Variants in PDE3A observed in about 807,000 individuals in gnomAD.
PDE3A encodes cGMP-inhibited 3',5'-cyclic phosphodiesterase 3A.
A neutral mutation model predicts 98.3 loss-of-function variants in PDE3A; 43 were observed. The ratio of observed to expected loss-of-function variants is 0.44; its 90% CI spans 0.34 to 0.56. The LOEUF is 0.56. Among genes scored for constraint, PDE3A ranks in the 20% least tolerant of loss-of-function variants. The pLI is 0.01. For missense variants in PDE3A, 1,427 were observed against 1,440.7 expected (o/e 0.99, Z 0.15); for synonymous variants, 663 against 567.9 (o/e 1.17, Z -2.38).
intron 2 of PDE3A, among the ~76,000 whole-genome samples, chr12:20,611,424 T>G (rs1943850957): frequency 6.6e-6 from 1 of 151,794 alleles, no homozygotes; most frequent in African/African-American, 2.4e-5. Context: ...CTGTTTTTGT[T>G]TTTTTGTTTT....
chr12:20,560,399 A>G (rs1448377412), intron 2 of PDE3A, among the ~76,000 whole-genome samples: 1 of 152,204 alleles, frequency 6.6e-6, no homozygotes, highest in African/African-American at 2.4e-5. Flanking sequence ...TAGTTACACC[A>G]AGGAGAGGAA....
chr12:20,398,462 C>A (rs1029283432), intron 1 of PDE3A, among the ~76,000 whole-genome samples: 2 of 151,846 alleles, frequency 1.3e-5, no homozygotes, highest in Non-Finnish European at 2.9e-5. Context: ...TTTTGAAAAT[C>A]TGTCTTGAGT....
At chr12:20,566,112 A>G (rs556678921) in intron 2 of PDE3A, among the ~76,000 whole-genome samples, 1 of 152,120 alleles carries the variant, frequency 6.6e-6, no homozygotes, top group South Asian at 2.1e-4. Flanking sequence ...TATTAGCGAT[A>G]TTAACTAAAA....
intron 3 of PDE3A, among the ~76,000 whole-genome samples, chr12:20,615,013 TTTC>T (rs1943968541): frequency 8.1e-6 from 1 of 123,500 alleles, no homozygotes; most frequent in African/African-American, 3.0e-5. Context: ...TCTTTCTCTC[TTTC>T]TTTTTTTTTT....
At chr12:20,603,602 G>GCTAT (rs1482403997) in intron 2 of PDE3A, among the ~76,000 whole-genome samples, 3 of 151,910 alleles carry the variant, frequency 2.0e-5, no homozygotes, top group East Asian at 1.9e-4. Flanking sequence ...ATATCTCTGT[G>GCTAT]CTATCTTCAT....
At chr12:20,504,502 A>G (rs1245626435) in intron 1 of PDE3A, among the ~76,000 whole-genome samples, 1 of 152,150 alleles carries the variant, frequency 6.6e-6, no homozygotes, top group Non-Finnish European at 1.5e-5. Flanking sequence ...CCACAAATTT[A>G]TTAATTTTAT....
intron 2 of PDE3A, among the ~76,000 whole-genome samples, chr12:20,562,454 G>A (rs1942550789): frequency 1.3e-5 from 2 of 151,836 alleles, no homozygotes; most frequent in South Asian, 2.1e-4. Context: ...TCCTGACCTC[G>A]TGATCCGCCT....
intron 2 of PDE3A, among the ~76,000 whole-genome samples, chr12:20,568,583 G>A (rs563133363): frequency 5.3e-5 from 8 of 151,850 alleles, no homozygotes; most frequent in South Asian, 4.2e-4. Flanking sequence ...TGTTGAACCC[G>A]TCTCTCTTTT....
chr12:20,660,401 A>G (rs545778276), intron 15 of PDE3A, among the ~76,000 whole-genome samples: 4 of 152,318 alleles, frequency 2.6e-5, no homozygotes, highest in African/African-American at 9.6e-5. Context: ...TGTGGAAGCA[A>G]CTTTGGAACA....
In PDE3A at chr12:20,532,282, T is replaced by C. The variant is rs561020169; in HGVS notation, c.961-24378T>C. 3.9e-5 allele frequency among the ~76,000 whole-genome samples: 6 copies of C among 152,308 alleles called. No homozygotes were observed. The South Asian group carries it at 1.2e-3, about 32-fold the overall frequency. ...AGTTAGATTCTAGGCATTTGTCTTATTTAACATGGAGTAATTTGTGGATAT... is the reference window on the plus strand; with the variant it reads ...AGTTAGATTCTAGGCATTTGTCTTACTTAACATGGAGTAATTTGTGGATAT... On this transcript the variant is annotated intron_variant, in intron 1 of 15. Transcript: ENST00000359062.
intron 1 of PDE3A, among the ~76,000 whole-genome samples, chr12:20,447,678 A>G (rs775198861): frequency 2.0e-5 from 3 of 152,306 alleles, no homozygotes; most frequent in Admixed American, 6.5e-5. Context: ...CTGTTCATTC[A>G]TATGCTTTGT....
At chr12:20,420,812 T>C (rs1944499732) in intron 1 of PDE3A, among the ~76,000 whole-genome samples, 1 of 152,186 alleles carries the variant, frequency 6.6e-6, no homozygotes, top group Non-Finnish European at 1.5e-5. Flanking sequence ...CCATTTCGCT[T>C]TGCTATCAGA....
At chr12:20,373,873 T>C (rs997244042) in intron 1 of PDE3A, among the ~76,000 whole-genome samples, 3 of 152,126 alleles carry the variant, frequency 2.0e-5, no homozygotes, top group Non-Finnish European at 4.4e-5. Context: ...TGGTGTTTGA[T>C]GGTAGGCACT....
chr12:20,606,196 G>C (rs1943706109), intron 2 of PDE3A, among the ~76,000 whole-genome samples: 1 of 151,866 alleles, frequency 6.6e-6, no homozygotes, highest in African/African-American at 2.4e-5. Flanking sequence ...AAAAAATGAT[G>C]TGTATCTGCT....
chr12:20,517,487 T>C (rs1050014812), intron 1 of PDE3A, among the ~76,000 whole-genome samples: 1 of 152,226 alleles, frequency 6.6e-6, no homozygotes, highest in African/African-American at 2.4e-5. Flanking sequence ...CTCCGTTGTA[T>C]AATGGGCACC....
At chr12:20,627,572 C>A (rs1259072708) in intron 5 of PDE3A, among the ~76,000 whole-genome samples, 1 of 151,952 alleles carries the variant, frequency 6.6e-6, no homozygotes, top group African/African-American at 2.4e-5. Context: ...CCCACCCCCA[C>A]CCTTTCCCAG....
chr12:20,414,396 G>A (rs1003985286), intron 1 of PDE3A, among the ~76,000 whole-genome samples: 1 of 152,150 alleles, frequency 6.6e-6, no homozygotes, highest in African/African-American at 2.4e-5. Flanking sequence ...TAATCAAAAT[G>A]AAGATGAATG....
intron 2 of PDE3A, among the ~76,000 whole-genome samples, chr12:20,592,377 A>G (rs1252641501): frequency 6.6e-6 from 1 of 152,218 alleles, no homozygotes; most frequent in Non-Finnish European, 1.5e-5. Flanking sequence ...GCAGTAAATA[A>G]AAGGAATTCG....
At position 20,368,857 on chromosome 12, in the gene PDE3A, G is replaced by GC. The variant is rs1212744166; in HGVS notation, c.-423dup. ...CGGAATGGCCCGGAGCCCGCCCTGC[G>GC]CCCCCGGCTCCTCCAGCGTCAGCGG... On this transcript the variant is annotated 5_prime_UTR_variant, in exon 1 of 16. The change abolishes the stop of an existing upstream ORF in the 5' untranslated region. Transcript: ENST00000359062. Among the ~76,000 whole-genome samples the GC allele has an allele frequency of 6.6e-6, 1 of 151,962 alleles. No individual in the cohort carries two copies. The highest frequency in any genetic ancestry group is 2.4e-5 in the African/African-American group (1 of 41,420).
Sources: gnomAD v4.1 joint callset for allele counts (sites outside exome capture counted in the v4.1 genomes callset) on GRCh38, gnomAD v4.1.1 for gene constraint, MANE v1.5 for transcripts, NCBI Gene and HGNC (gene_info 2026-07-23, HGNC 2026-07-21) for gene names.